MALT1: variants seen among roughly 807,000 people sequenced by gnomAD.
The protein encoded by MALT1 is mucosa-associated lymphoid tissue lymphoma translocation protein 1.
MALT1 carries 36 observed loss-of-function variants against 85.5 expected under a neutral mutation model. The observed-to-expected ratio is 0.42, with a 90% CI of 0.32 to 0.56. The LOEUF (loss-of-function observed/expected upper bound fraction) is 0.56, where lower values mean the gene tolerates loss of function less well. Ranked by LOEUF, MALT1 falls within the 20% of genes least tolerant of loss-of-function variation. The pLI, the probability that MALT1 is intolerant of heterozygous loss-of-function variation, is 0.10. For missense variants in MALT1, 716 were observed against 981.6 expected (o/e 0.73, Z 3.62); for synonymous variants, 359 against 361.3 (o/e 0.99, Z 0.07).
chr18:58,705,616 T>C (rs1181432288), intron 4 of MALT1, among the ~76,000 whole-genome samples: 1 of 149,432 alleles, frequency 6.7e-6, no homozygotes, highest in African/African-American at 2.5e-5. Context: ...AGAATGATGA[T>C]TTCCAATTTC....
intron 2 of MALT1, among the ~76,000 whole-genome samples, chr18:58,691,894 A>C (rs1403339728): frequency 6.6e-6 from 1 of 150,694 alleles, no homozygotes; most frequent in Non-Finnish European, 1.5e-5. Flanking sequence ...ACAACAAAAA[A>C]TTAGCCAGGC....
At chr18:58,745,622 T>C (rs762268481) in intron 15 of MALT1, 44 bp from the exon 16 acceptor site, 1 of 1,528,426 alleles carries the variant, frequency 6.5e-7, no homozygotes, top group Admixed American at 1.7e-5. Flanking sequence ...ATTGTGGCTT[T>C]CATTGATTTC....
At chr18:58,723,585 T>C (rs2055013805) in intron 10 of MALT1, among the ~76,000 whole-genome samples, 1 of 152,148 alleles carries the variant, frequency 6.6e-6, no homozygotes, top group Non-Finnish European at 1.5e-5. Flanking sequence ...ATGCGTAAAA[T>C]ATTACAGTAT....
chr18:58,719,251 G>C (rs2054947226), intron 9 of MALT1, among the ~76,000 whole-genome samples: 1 of 152,098 alleles, frequency 6.6e-6, no homozygotes. Context: ...AGATGGCTTT[G>C]CTTACATACC....
At chr18:58,734,876 A>G (rs1231122796) in intron 12 of MALT1, among the ~76,000 whole-genome samples, 2 of 152,248 alleles carry the variant, frequency 1.3e-5, no homozygotes, top group South Asian at 2.1e-4. Context: ...TTTCTTTTTA[A>G]AAAATTATTT....
chr18:58,728,582 G>A (rs550166572), intron 10 of MALT1, among the ~76,000 whole-genome samples: 2 of 152,192 alleles, frequency 1.3e-5, no homozygotes, highest in South Asian at 4.1e-4. Flanking sequence ...TCCAGTATGG[G>A]CAACAGAGCA....
At chr18:58,721,691 A>G (rs1052673461) in intron 9 of MALT1, among the ~76,000 whole-genome samples, 3 of 152,222 alleles carry the variant, frequency 2.0e-5, no homozygotes, top group Non-Finnish European at 4.4e-5. Context: ...AAGAAAAGCA[A>G]TTTCACCAGA....
intron 2 of MALT1, among the ~76,000 whole-genome samples, chr18:58,687,940 T>G (rs1016875993): frequency 6.6e-6 from 1 of 152,236 alleles, no homozygotes; most frequent in Non-Finnish European, 1.5e-5. Flanking sequence ...TCAAGTAACT[T>G]CTCTGACTTC....
At chr18:58,682,067 A>T (rs1325834155) in intron 2 of MALT1, among the ~76,000 whole-genome samples, 2 of 152,196 alleles carry the variant, frequency 1.3e-5, no homozygotes, top group African/African-American at 4.8e-5. Context: ...TTTGTCCCAC[A>T]GGAAGCAAAG....
chr18:58,713,890 T>C (rs1356071594), intron 7 of MALT1, among the ~76,000 whole-genome samples, 193 bp from the exon 8 acceptor site: 2 of 152,222 alleles, frequency 1.3e-5, no homozygotes, highest in African/African-American at 2.4e-5. Flanking sequence ...AAGTCCTAAA[T>C]GATAAGCACA....
At chr18:58,719,357 G>C (rs1359740857) in intron 9 of MALT1, among the ~76,000 whole-genome samples, 3 of 151,644 alleles carry the variant, frequency 2.0e-5, no homozygotes, top group African/African-American at 7.3e-5. Flanking sequence ...CTGTCTCTCT[G>C]TCTCTCCCTC....
intron 8 of MALT1, among the ~76,000 whole-genome samples, chr18:58,714,976 A>G (rs961749000): frequency 3.9e-5 from 6 of 152,324 alleles, no homozygotes; most frequent in Admixed American, 3.9e-4. Flanking sequence ...TGTGAATGCC[A>G]TTGGGCTGTG....
At position 58,749,576 on chromosome 18, in the gene MALT1, A is replaced by C; in HGVS notation, c.*1734A>C. 4.6e-6 allele frequency: 1 copy of C among 218,482 alleles called. No individual in the cohort carries two copies. The highest frequency in any genetic ancestry group is 2.2e-5 in the African/African-American group (1 of 44,632). The allele number at this position is 218,482 out of a possible 1,614,324, so 13.5% of individuals were successfully genotyped here. A position where few individuals can be genotyped will look rare whatever the true frequency, so the allele number is the denominator to read the frequency against. On this transcript the variant is annotated 3_prime_UTR_variant, in exon 17 of 17. Coordinates refer to ENST00000649217, the MANE Select transcript of MALT1 (RefSeq NM_006785.4). ...TGACTCAAATTTTTCACCCATTTAC[A>C]CATATCCACAAATGACTGCAAAAGT...
chr18:58,696,018 G>C (rs560161658), intron 2 of MALT1, among the ~76,000 whole-genome samples: 1 of 152,344 alleles, frequency 6.6e-6, no homozygotes, highest in Admixed American at 6.5e-5. Context: ...GGCTGTGCCT[G>C]ACAGGCATCT....
chr18:58,699,066 T>G (rs2054635110), intron 3 of MALT1, among the ~76,000 whole-genome samples: 1 of 152,234 alleles, frequency 6.6e-6, no homozygotes, highest in Non-Finnish European at 1.5e-5. Context: ...GAGTCCCAGA[T>G]GTCTTCAGTT....
chr18:58,673,361 C>G (rs1371328521), intron 1 of MALT1, among the ~76,000 whole-genome samples: 1 of 152,132 alleles, frequency 6.6e-6, no homozygotes, highest in Non-Finnish European at 1.5e-5. Flanking sequence ...GGATTTTTAT[C>G]TTTTATTGAG....
rs976930386 is a variant in MALT1 at position 58,748,340 on chromosome 18, CTGAGA to C, written c.*500_*504del. On this transcript the variant is annotated 3_prime_UTR_variant, in exon 17 of 17. Transcript: ENST00000649217. ...TACACAACTGCCTTCCTGACAGGTTCTGAGATAAGTGTTATGTTTGTAGATAGAGT... is the reference window on the plus strand; with the variant it reads ...TACACAACTGCCTTCCTGACAGGTTCTAAGTGTTATGTTTGTAGATAGAGT... 2.7e-4 allele frequency: 54 copies of C among 197,924 alleles called. No individual in the cohort carries two copies. The highest frequency in any genetic ancestry group is 1.7e-3 in the Middle Eastern group (1 of 574). The allele number at this position is 197,924 out of a possible 1,614,324, so 12.3% of individuals were successfully genotyped here. A position where few individuals can be genotyped will look rare whatever the true frequency, so the allele number is the denominator to read the frequency against.
chr18:58,725,107 G>T (rs573021691), intron 10 of MALT1, among the ~76,000 whole-genome samples: 1 of 150,996 alleles, frequency 6.6e-6, no homozygotes, highest in East Asian at 2.0e-4. Context: ...TTCAGCCTGG[G>T]TGACAGAGCA....
chr18:58,693,303 T>A (rs971654831), intron 2 of MALT1, among the ~76,000 whole-genome samples: 2 of 152,094 alleles, frequency 1.3e-5, no homozygotes, highest in South Asian at 2.1e-4. Flanking sequence ...CTGCCTGTAG[T>A]CCCAGCCACT....
Sources: gnomAD v4.1 joint callset for allele counts (sites outside exome capture counted in the v4.1 genomes callset) on GRCh38, gnomAD v4.1.1 for gene constraint, MANE v1.5 for transcripts, NCBI Gene and HGNC (gene_info 2026-07-23, HGNC 2026-07-21) for gene names.